ATP6V0A1: variants seen among roughly 807,000 people sequenced by gnomAD.
ATP6V0A1 encodes the protein V-type proton ATPase 116 kDa subunit a 1.
Under a neutral mutation model 105.4 loss-of-function variants are expected in ATP6V0A1, and 43 were observed. The ratio of observed to expected loss-of-function variants is 0.41; its 90% CI spans 0.32 to 0.53. The LOEUF is 0.53. Among genes scored for constraint, ATP6V0A1 ranks in the 20% least tolerant of loss-of-function variants. ATP6V0A1 has a pLI of 0.30. For missense variants in ATP6V0A1, 676 were observed against 1,051.1 expected, an observed-to-expected ratio of 0.64 and a Z score of 4.93; for synonymous variants, 362 against 372.8, an observed-to-expected ratio of 0.97 and a Z score of 0.33.
intron 17 of ATP6V0A1, among the ~76,000 whole-genome samples, chr17:42,505,802 T>C (rs2091984079): frequency 1.4e-5 from 2 of 140,976 alleles, no homozygotes; most frequent in South Asian, 2.3e-4. Context: ...TTTTTTTTTT[T>C]CTTGAGACAG....
At chr17:42,483,933 G>A (rs927356873) in intron 9 of ATP6V0A1, among the ~76,000 whole-genome samples, 1 of 152,152 alleles carries the variant, frequency 6.6e-6, no homozygotes, top group African/African-American at 2.4e-5. Context: ...GGCCAGGCTG[G>A]TCTTGAACTC....
chr17:42,517,987 C>G (rs1032976927), intron 21 of ATP6V0A1: 12 of 152,260 alleles, frequency 7.9e-5, no homozygotes, highest in African/African-American at 2.7e-4. Flanking sequence ...AAACAGTGAG[C>G]AGGCTAATGT....
chr17:42,519,600 C>T (rs573002834), intron 21 of ATP6V0A1: 20 of 152,342 alleles, frequency 1.3e-4, no homozygotes, highest in African/African-American at 4.3e-4. Flanking sequence ...GGCCCCACCG[C>T]GTTCCCTCAG....
At position 42,497,801 on chromosome 17, in the gene ATP6V0A1, G is replaced by A. The variant is rs1340376829; in HGVS notation, c.1561-1123G>A. Among the ~76,000 whole-genome samples, 3 of 152,016 alleles carry A rather than the reference G, an allele frequency of 2.0e-5. No individual in the cohort carries two copies. In the East Asian group the frequency reaches 5.8e-4, roughly 29 times the overall value. On this transcript the variant is annotated intron_variant, in intron 14 of 21. Transcript: ENST00000343619. ...GCCTGTAATCCCAGCAATTTGGGAGGCCAAGGCGGGCGGATCATGAGGTCA... is the reference window on the plus strand; with the variant it reads ...GCCTGTAATCCCAGCAATTTGGGAGACCAAGGCGGGCGGATCATGAGGTCA...
intron 1 of ATP6V0A1, among the ~76,000 whole-genome samples, chr17:42,459,647 A>G (rs1215655160): frequency 2.0e-5 from 3 of 152,146 alleles, no homozygotes; most frequent in Non-Finnish European, 4.4e-5. Context: ...ATGTGTTTAG[A>G]GGTTGTAGAA....
At chr17:42,470,369 G>A (rs1193586366) in intron 5 of ATP6V0A1, 151 bp downstream of exon 5, 3 of 983,212 alleles carry the variant, frequency 3.1e-6, no homozygotes, top group Non-Finnish European at 4.5e-6. Flanking sequence ...GTGAGATTAT[G>A]TTCCATTTTT....
At chr17:42,477,220 G>C (rs999612400) in intron 5 of ATP6V0A1, among the ~76,000 whole-genome samples, 5 of 152,164 alleles carry the variant, frequency 3.3e-5, no homozygotes, top group Admixed American at 3.3e-4. Context: ...TAAATGTTCA[G>C]AGTATCTGCA....
intron 19 of ATP6V0A1, among the ~76,000 whole-genome samples, chr17:42,512,563 C>T (rs754409161): frequency 3.3e-5 from 5 of 152,126 alleles, no homozygotes; most frequent in Admixed American, 2.0e-4. Flanking sequence ...GAGCCTGTTC[C>T]GGAAGAAAAG....
chr17:42,502,473 G>C (rs970566237), intron 17 of ATP6V0A1, among the ~76,000 whole-genome samples: 1 of 151,498 alleles, frequency 6.6e-6, no homozygotes, highest in African/African-American at 2.5e-5. Flanking sequence ...CTTAATGTCT[G>C]TGTGTATATG....
At chr17:42,465,415 C>T (rs1043118314) in intron 2 of ATP6V0A1, among the ~76,000 whole-genome samples, 2 of 149,736 alleles carry the variant, frequency 1.3e-5, no homozygotes, top group African/African-American at 2.5e-5. Flanking sequence ...CTTGGCCTCC[C>T]GAGTAGCTGG....
At chr17:42,496,349 A>G (rs2091178543) in intron 14 of ATP6V0A1, 1 of 152,190 alleles carries the variant, frequency 6.6e-6, no homozygotes, top group Non-Finnish European at 1.5e-5. Flanking sequence ...ACATTTTAGC[A>G]AAGCAGAAAT....
chr17:42,465,477 A>G (rs1430168614), intron 2 of ATP6V0A1, among the ~76,000 whole-genome samples: 1 of 151,114 alleles, frequency 6.6e-6, no homozygotes, highest in Non-Finnish European at 1.5e-5. Flanking sequence ...TTTAGTAGAG[A>G]TGGAGTTTCG....
rs369394543 is a variant in ATP6V0A1 at position 42,485,539 on chromosome 17, G to GTTTGTTTTGT, written c.811-1592_811-1583dup. On this transcript the variant is annotated intron_variant, in intron 9 of 21. Coordinates refer to ENST00000343619, the MANE Select transcript of ATP6V0A1 (RefSeq NM_001130021.3). ...AAGAAGGGTTTTTTGTGTTTTGTTT[G>GTTTGTTTTGT]TTTGTTTTGTTTTGTTTTGTTTTGT... Among the ~76,000 whole-genome samples the GTTTGTTTTGT allele has an allele frequency of 5.5e-4, 83 of 151,496 alleles. 1 individual carries two copies. Among genetic ancestry groups the GTTTGTTTTGT allele is most frequent in the East Asian group, 2.5e-3 (13 of 5,108 alleles).
At position 42,522,570 on chromosome 17, in the gene ATP6V0A1, C is replaced by T. The variant is rs1488983071; in HGVS notation, c.*1450C>T. ...CCTATGTTGAATAAAGTATGTTTGA[C>T]TTCCCCGGAGAAGCTGCCTGTCACT... On this transcript the variant is annotated 3_prime_UTR_variant, in exon 22 of 22. Coordinates refer to ENST00000343619, the MANE Select transcript of ATP6V0A1 (RefSeq NM_001130021.3). 1.3e-5 allele frequency: 2 copies of T among 152,586 alleles called. No individual in the cohort carries two copies. Among genetic ancestry groups the T allele is most frequent in the Admixed American group, 1.3e-4 (2 of 15,284 alleles). The allele number at this position is 152,586 out of a possible 1,614,324, so 9.5% of individuals were successfully genotyped here.
intron 19 of ATP6V0A1, 125 bp downstream of exon 19, chr17:42,508,714 A>C: frequency 4.0e-4 from 524 of 1,322,690 alleles, no homozygotes; most frequent in Non-Finnish European, 5.0e-4. Flanking sequence ...TCTGCATCTC[A>C]CTGGCCATTT....
chr17:42,502,237 T>C (rs926284855), intron 17 of ATP6V0A1, among the ~76,000 whole-genome samples: 1 of 152,226 alleles, frequency 6.6e-6, no homozygotes, highest in Non-Finnish European at 1.5e-5. Context: ...GGCCTATGCC[T>C]GTCTAGATGT....
At position 42,505,573 on chromosome 17, in the gene ATP6V0A1, T is replaced by C. The variant is rs372888152; in HGVS notation, c.2005-1947T>C. Among the ~76,000 whole-genome samples, 29 of 151,254 alleles carry C rather than the reference T, an allele frequency of 1.9e-4. No individual in the cohort carries two copies. The East Asian group carries it at 5.5e-3, about 29-fold the overall frequency. On this transcript the variant is annotated intron_variant, in intron 17 of 21. Coordinates refer to ENST00000343619, the MANE Select transcript of ATP6V0A1 (RefSeq NM_001130021.3). ...CGGGCTGGTCTCGAACTCCTGACCT[T>C]GTGATCTGCCCGCTGTGGCCTCCCA...
rs1204020106 is a variant in ATP6V0A1 at position 42,494,417 on chromosome 17, G to C, written c.1258G>C (p.Ala420Pro). 1 of 1,613,338 alleles carries C rather than the reference G, an allele frequency of 6.2e-7. No individual in the cohort carries two copies. Among genetic ancestry groups the C allele is most frequent in the East Asian group, 2.2e-5 (1 of 44,858 alleles). Residue 420 changes from alanine to proline, a missense_variant, in exon 12 of 22, where the codon GCT becomes CCT. This residue lies in a region of ATP6V0A1 where 435 missense variants were observed against 642.2 expected (regional missense o/e 0.68). Transcript: ENST00000343619. The stretch of plus-strand genomic sequence containing the variant: ...TCATGGCATTTTAATGACCCTTTTT[G>C]CTGTGTGGATGGTACTGAGGGAGAG... ...FGHGILMTLF[A>P]VWMVLRESRI... is the part of the protein sequence containing the mutation.
Position 42,463,426 on chromosome 17 carries a change from A to G in ATP6V0A1, c.117+2415A>G, listed in dbSNP as rs547455747. Among the ~76,000 whole-genome samples, 9 of 152,130 alleles carry G rather than the reference A, an allele frequency of 5.9e-5. No homozygotes were observed. In the East Asian group the frequency reaches 1.5e-3, roughly 26 times the overall value. On this transcript the variant is annotated intron_variant, in intron 2 of 21. Coordinates refer to ENST00000343619, the MANE Select transcript of ATP6V0A1 (RefSeq NM_001130021.3). Reference sequence around the variant, plus strand: ...TAGGATTAGTTTTCCCTGTTCTTGAATTATATGTAAACGACTCATACATTG... The same window carrying G: ...TAGGATTAGTTTTCCCTGTTCTTGAGTTATATGTAAACGACTCATACATTG...
Sources: allele counts gnomAD v4.1 joint callset (sites outside exome capture counted in the v4.1 genomes callset), GRCh38; gene constraint gnomAD v4.1.1; regional missense constraint gnomAD v4.1.1; transcripts MANE v1.5; gene names NCBI Gene and HGNC (gene_info 2026-07-23, HGNC 2026-07-21).